The following CA10 variants were observed in gnomAD, a reference collection of about 807,000 sequenced individuals.
CA10 encodes the protein carbonic anhydrase-related protein 10.
Under a neutral mutation model 44.2 loss-of-function variants are expected in CA10, and 14 were observed. That is an observed-to-expected ratio of 0.32 (90% confidence interval 0.21 to 0.50). The LOEUF (loss-of-function observed/expected upper bound fraction) is 0.50. Ranked by LOEUF, CA10 falls within the 20% of genes least tolerant of loss-of-function variation. The probability of loss-of-function intolerance (pLI) is 0.99; values close to 1 mark genes in which losing one functional copy is unlikely to be tolerated. For missense variants in CA10, 350 were observed against 409.7 expected (o/e 0.85, Z 1.26); for synonymous variants, 159 against 141.6 (o/e 1.12, Z -0.87).
chr17:51,752,320 A>G (rs952784853), intron 3 of CA10, among the ~76,000 whole-genome samples: 1 of 151,592 alleles, frequency 6.6e-6, no homozygotes, highest in African/African-American at 2.4e-5. Flanking sequence ...GGTGCGCAGC[A>G]TGTTGGAAAA....
At chr17:51,924,640 G>A (rs1982354209) in intron 3 of CA10, among the ~76,000 whole-genome samples, 2 of 152,240 alleles carry the variant, frequency 1.3e-5, no homozygotes, top group South Asian at 4.1e-4. Flanking sequence ...GGAAAGGAGT[G>A]CAGTCAGAGC....
intron 2 of CA10, among the ~76,000 whole-genome samples, chr17:52,061,607 T>G (rs7208977): frequency 0.51 from 77,791 of 151,958 alleles, 20,643 homozygotes; most frequent in African/African-American, 0.62. Flanking sequence ...TTTCCCCACA[T>G]GTTGTTCTCA....
intron 2 of CA10, among the ~76,000 whole-genome samples, chr17:52,026,146 A>G (rs1293799299): frequency 6.6e-6 from 1 of 152,140 alleles, no homozygotes. Flanking sequence ...GTCCCAGTGA[A>G]GACAGAGGAA....
At chr17:52,030,406 C>A (rs1357122235) in intron 2 of CA10, among the ~76,000 whole-genome samples, 1 of 151,830 alleles carries the variant, frequency 6.6e-6, no homozygotes, top group Non-Finnish European at 1.5e-5. Context: ...GGAGGTGGGA[C>A]AGGGATGTTC....
chr17:51,716,575 G>A (rs1916121548), intron 4 of CA10, among the ~76,000 whole-genome samples: 1 of 152,146 alleles, frequency 6.6e-6, no homozygotes, highest in African/African-American at 2.4e-5. Context: ...GTTGGAGTGG[G>A]TAGCAGGGCT....
At chr17:52,061,311 C>G (rs544091390) in intron 2 of CA10, among the ~76,000 whole-genome samples, 77 of 152,094 alleles carry the variant, frequency 5.1e-4, no homozygotes, top group African/African-American at 1.8e-3. Context: ...AGGAAGGGAC[C>G]CTGCACTGAG....
At position 52,121,643 on chromosome 17, in the gene CA10, A is replaced by C. The variant is rs1449379096; in HGVS notation, c.61+36083T>G. ...CACATAAAATGGAAAAAAATGAGGG[A>C]ATCTCTATCTATCTCTAAACACACA... is the stretch of plus-strand genomic sequence containing the variant. On this transcript the variant is annotated intron_variant, in intron 1 of 8. Coordinates refer to ENST00000451037, the MANE Select transcript of CA10 (RefSeq NM_020178.5). 2.8e-5 allele frequency among the ~76,000 whole-genome samples: 4 copies of C among 145,172 alleles called. No homozygotes were observed. In the Admixed American group the frequency reaches 2.9e-4, roughly 10 times the overall value.
chr17:52,019,810 G>A (rs953722298), intron 2 of CA10, among the ~76,000 whole-genome samples: 4 of 151,734 alleles, frequency 2.6e-5, no homozygotes, highest in East Asian at 1.9e-4. Context: ...TTAGAAATAC[G>A]TTGCCTAATT....
chr17:51,768,128 C>T (rs1402045875), intron 3 of CA10, among the ~76,000 whole-genome samples: 1 of 151,152 alleles, frequency 6.6e-6, no homozygotes. Flanking sequence ...GGGATAAAGG[C>T]TAACATTTTT....
chr17:52,009,185 G>C (rs142074326), intron 2 of CA10, among the ~76,000 whole-genome samples: 1 of 151,784 alleles, frequency 6.6e-6, no homozygotes, highest in East Asian at 2.0e-4. Context: ...ATTCAATTTT[G>C]AAAGTTTTTT....
chr17:52,042,088 T>C (rs1986785118), intron 2 of CA10, among the ~76,000 whole-genome samples: 1 of 152,106 alleles, frequency 6.6e-6, no homozygotes, highest in African/African-American at 2.4e-5. Context: ...GATACTGATG[T>C]CATTTCCTTT....
chr17:51,662,125 T>C (rs1260212055), intron 4 of CA10, among the ~76,000 whole-genome samples: 1 of 152,236 alleles, frequency 6.6e-6, no homozygotes, highest in Non-Finnish European at 1.5e-5. Flanking sequence ...GGAAAATACA[T>C]GTTGAGAGAA....
chr17:51,756,848 G>A (rs183767093), intron 3 of CA10, among the ~76,000 whole-genome samples: 5 of 152,270 alleles, frequency 3.3e-5, no homozygotes, highest in African/African-American at 9.6e-5. Context: ...ATGTCTGCAT[G>A]GATATGCCAG....
intron 4 of CA10, among the ~76,000 whole-genome samples, chr17:51,701,716 C>T (rs1042158543): frequency 6.6e-6 from 1 of 152,194 alleles, no homozygotes; most frequent in Non-Finnish European, 1.5e-5. Context: ...AACAATTTCA[C>T]AGTCATTTGT....
At chr17:52,156,883 C>T (rs181294854) in intron 1 of CA10, among the ~76,000 whole-genome samples, 1 of 152,224 alleles carries the variant, frequency 6.6e-6, no homozygotes, top group Admixed American at 6.5e-5. Flanking sequence ...CAGGGGCTTT[C>T]CCCTTTCCCT....
chr17:51,916,456 T>G (rs1982000318), intron 3 of CA10, among the ~76,000 whole-genome samples: 1 of 152,140 alleles, frequency 6.6e-6, no homozygotes, highest in Non-Finnish European at 1.5e-5. Flanking sequence ...GGGAGGTAAT[T>G]GAATCACGGG....
intron 4 of CA10, among the ~76,000 whole-genome samples, chr17:51,667,152 T>C (rs1014674065): frequency 6.6e-6 from 1 of 152,186 alleles, no homozygotes; most frequent in African/African-American, 2.4e-5. Flanking sequence ...GGCTCTTACA[T>C]GCCACATAGG....
chr17:52,043,324 T>G (rs1238168391), intron 2 of CA10, among the ~76,000 whole-genome samples: 1 of 152,108 alleles, frequency 6.6e-6, no homozygotes, highest in Non-Finnish European at 1.5e-5. Context: ...TTTATTCTTT[T>G]TGGTGCTAGT....
At chr17:51,749,615 A>C (rs186472546) in intron 3 of CA10, among the ~76,000 whole-genome samples, 1 of 152,370 alleles carries the variant, frequency 6.6e-6, no homozygotes, top group Admixed American at 6.5e-5. Context: ...TTTGTTATGC[A>C]GCAAAAGGGA....
Sources: gnomAD v4.1 joint callset for allele counts (sites outside exome capture counted in the v4.1 genomes callset) on GRCh38, gnomAD v4.1.1 for gene constraint, MANE v1.5 for transcripts, NCBI Gene and HGNC (gene_info 2026-07-23, HGNC 2026-07-21) for gene names.